Variants in LRRC4C observed in about 807,000 individuals in gnomAD.
LRRC4C encodes the protein leucine-rich repeat-containing protein 4C.
In LRRC4C, 5 loss-of-function variants were observed where a neutral mutation model predicts 33.6. The observed-to-expected ratio is 0.15, with a 90% CI of 0.08 to 0.31. The LOEUF (loss-of-function observed/expected upper bound fraction) is 0.31, where lower values mean the gene tolerates loss of function less well. LRRC4C is among the 10% of genes least tolerant of loss of function. The pLI, the probability that LRRC4C is intolerant of heterozygous loss-of-function variation, is 1.00. For synonymous variants in LRRC4C, 329 were observed against 302.0 expected, an observed-to-expected ratio of 1.09 and a Z score of -0.93; for missense variants, 560 against 796.7, an observed-to-expected ratio of 0.70 and a Z score of 3.58.
At chr11:41,386,683 T>C (rs1259196454) in intron 1 of LRRC4C, among the ~76,000 whole-genome samples, 1 of 151,790 alleles carries the variant, frequency 6.6e-6, no homozygotes, top group African/African-American at 2.4e-5. Flanking sequence ...ATTATTTTTA[T>C]TTATCATATG....
At chr11:40,811,921 A>G (rs974199316) in intron 2 of LRRC4C, among the ~76,000 whole-genome samples, 1 of 152,190 alleles carries the variant, frequency 6.6e-6, no homozygotes, top group African/African-American at 2.4e-5. Context: ...CTCTGCCAGG[A>G]TGCCAAGAAG....
intron 1 of LRRC4C, among the ~76,000 whole-genome samples, chr11:41,191,827 A>C (rs1379203131): frequency 1.3e-5 from 2 of 152,250 alleles, no homozygotes; most frequent in East Asian, 3.9e-4. Context: ...AAGAGGAACC[A>C]CTTGTCTGGG....
chr11:40,196,066 T>G (rs1378794577), intron 5 of LRRC4C, among the ~76,000 whole-genome samples: 1 of 152,238 alleles, frequency 6.6e-6, no homozygotes, highest in Non-Finnish European at 1.5e-5. Context: ...GACATTTGTT[T>G]GAGTGTCTTT....
intron 3 of LRRC4C, among the ~76,000 whole-genome samples, chr11:40,571,171 T>C (rs1199034453): frequency 6.6e-6 from 1 of 152,132 alleles, no homozygotes; most frequent in African/African-American, 2.4e-5. Context: ...ATAAACAGCA[T>C]ATACAGGATG....
At chr11:40,182,902 G>A (rs918527958) in intron 5 of LRRC4C, among the ~76,000 whole-genome samples, 1 of 151,970 alleles carries the variant, frequency 6.6e-6, no homozygotes, top group Non-Finnish European at 1.5e-5. Context: ...TCATAATAAC[G>A]GGAAGAGTTA....
chr11:40,449,975 A>G (rs1951812811), intron 3 of LRRC4C, among the ~76,000 whole-genome samples: 1 of 152,202 alleles, frequency 6.6e-6, no homozygotes, highest in Non-Finnish European at 1.5e-5. Flanking sequence ...TGGGTGTTCA[A>G]TAAAGTCTGG....
intron 5 of LRRC4C, among the ~76,000 whole-genome samples, chr11:40,149,038 G>A (rs994015005): frequency 6.6e-6 from 1 of 151,970 alleles, no homozygotes; most frequent in South Asian, 2.1e-4. Flanking sequence ...CCATTAATGT[G>A]TCTGTTTTTG....
In LRRC4C at chr11:40,402,165, T is replaced by C. The variant is rs147682819; in HGVS notation, c.-269-82444A>G. 4.8e-3 allele frequency among the ~76,000 whole-genome samples: 738 copies of C among 152,268 alleles called. 11 individuals are homozygous for C. Among genetic ancestry groups the C allele is most frequent in the African/African-American group, 0.017 (699 of 41,578 alleles). ...CATGTCTAAAAGAAAGCAGTCTTATTTTTCAGGACCTCAGTGTCAAACTGG... is the reference window on the plus strand; with the variant it reads ...CATGTCTAAAAGAAAGCAGTCTTATCTTTCAGGACCTCAGTGTCAAACTGG... On this transcript the variant is annotated intron_variant, in intron 3 of 6. Transcript: ENST00000528697.
At chr11:40,692,416 A>AT (rs1565640923) in intron 2 of LRRC4C, among the ~76,000 whole-genome samples, 1 of 152,174 alleles carries the variant, frequency 6.6e-6, no homozygotes, top group East Asian at 1.9e-4. Flanking sequence ...CTCTTGTATT[A>AT]TTTTGAAAAG....
chr11:40,194,365 G>A (rs1419277788), intron 5 of LRRC4C, among the ~76,000 whole-genome samples: 1 of 152,152 alleles, frequency 6.6e-6, no homozygotes, highest in Non-Finnish European at 1.5e-5. Context: ...CTTCATAAGT[G>A]AAGGAGAAAT....
At chr11:40,470,509 G>A (rs889303351) in intron 3 of LRRC4C, among the ~76,000 whole-genome samples, 1 of 152,144 alleles carries the variant, frequency 6.6e-6, no homozygotes, top group Non-Finnish European at 1.5e-5. Flanking sequence ...TTGCCAGCAA[G>A]GGAACAAAAC....
chr11:40,613,310 T>G (rs1961421790), intron 3 of LRRC4C, among the ~76,000 whole-genome samples: 1 of 151,908 alleles, frequency 6.6e-6, no homozygotes, highest in African/African-American at 2.4e-5. Context: ...CATAATATTC[T>G]AAATATTTTG....
At chr11:40,271,914 A>G (rs1256831757) in intron 4 of LRRC4C, among the ~76,000 whole-genome samples, 1 of 152,106 alleles carries the variant, frequency 6.6e-6, no homozygotes, top group Non-Finnish European at 1.5e-5. Flanking sequence ...GGTATCTCCC[A>G]CTCATTCAGT....
intron 1 of LRRC4C, among the ~76,000 whole-genome samples, chr11:41,290,493 G>A (rs1949960709): frequency 6.6e-6 from 1 of 152,130 alleles, no homozygotes; most frequent in South Asian, 2.1e-4. Flanking sequence ...TTACTGCATA[G>A]CATTGACAAT....
At chr11:40,984,317 AAAAG>A (rs1852770174) in intron 1 of LRRC4C, among the ~76,000 whole-genome samples, 1 of 150,888 alleles carries the variant, frequency 6.6e-6, no homozygotes, top group African/African-American at 2.4e-5. Flanking sequence ...GAAAGAAAGA[AAAAG>A]AAAAGAAAGA....
At chr11:40,706,895 G>C (rs1946195277) in intron 2 of LRRC4C, among the ~76,000 whole-genome samples, 2 of 152,078 alleles carry the variant, frequency 1.3e-5, no homozygotes, top group African/African-American at 4.8e-5. Context: ...ATTGAACAGT[G>C]GTTTGTAGTT....
intron 2 of LRRC4C, among the ~76,000 whole-genome samples, chr11:40,903,360 C>T (rs1956288890): frequency 6.6e-6 from 1 of 152,104 alleles, no homozygotes; most frequent in South Asian, 2.1e-4. Flanking sequence ...TCCTATTCAC[C>T]CAGCAGCTCT....
intron 1 of LRRC4C, among the ~76,000 whole-genome samples, chr11:41,409,029 C>G (rs1011658683): frequency 6.6e-6 from 1 of 152,132 alleles, no homozygotes; most frequent in African/African-American, 2.4e-5. Context: ...TGCAGGGTCA[C>G]ACTGTGTGTA....
intron 4 of LRRC4C, among the ~76,000 whole-genome samples, chr11:40,259,156 G>A (rs566399172): frequency 6.6e-6 from 1 of 152,292 alleles, no homozygotes; most frequent in Admixed American, 6.5e-5. Context: ...TTCTCAGACT[G>A]CACTCTTAAA....
Sources: gnomAD v4.1 joint callset for allele counts (sites outside exome capture counted in the v4.1 genomes callset) on GRCh38, gnomAD v4.1.1 for gene constraint, MANE v1.5 for transcripts, NCBI Gene and HGNC (gene_info 2026-07-23, HGNC 2026-07-21) for gene names.